FOXC1: variants seen among roughly 807,000 people sequenced by gnomAD.
The protein encoded by FOXC1 is forkhead box C1, also known as forkhead box protein C1.
In FOXC1, 5 loss-of-function variants were observed where a neutral mutation model predicts 8.1. The observed-to-expected ratio is 0.62, with a 90% CI of 0.32 to 1.30. FOXC1 has a LOEUF of 1.30. Among genes scored for constraint, FOXC1 ranks in the 50% most tolerant of loss-of-function variants. The pLI is 0.05. For synonymous variants in FOXC1, 552 were observed against 417.2 expected (o/e 1.32, Z -3.94); for missense variants, 942 against 858.0 (o/e 1.10, Z -1.22).
Position 1,612,748 on chromosome 6 carries a change from A to T in FOXC1, c.*641A>T. 1 of 214,372 alleles carries T rather than the reference A, an allele frequency of 4.7e-6. No individual in the cohort carries two copies. The highest frequency in any genetic ancestry group is 1.0e-5 in the Non-Finnish European group (1 of 97,008). The allele number at this position is 214,372 out of a possible 1,614,324, so 13.3% of individuals were successfully genotyped here. A position where few individuals can be genotyped will look rare whatever the true frequency, so the allele number is the denominator to read the frequency against. ...TAAAAAGGGAAACTGTATTAATCTT[A>T]TTCTATCCTCTTTTCTTTCTTTTTG... On this transcript the variant is annotated 3_prime_UTR_variant, in exon 1 of 1. Coordinates refer to ENST00000645831, the MANE Select transcript of FOXC1 (RefSeq NM_001453.3).
rs545386506 is a variant in FOXC1 at position 1,613,174 on chromosome 6, C to G, written c.*1067C>G. On this transcript the variant is annotated 3_prime_UTR_variant, in exon 1 of 1. Transcript: ENST00000645831. Reference sequence around the variant, plus strand: ...AGCCGCGGTCTTACCACGGTGATGCCTGTGTGCCGAGAGATGGGACTGTGC... The same window carrying G: ...AGCCGCGGTCTTACCACGGTGATGCGTGTGTGCCGAGAGATGGGACTGTGC... The G allele has an allele frequency of 1.7e-5, 4 of 241,788 alleles. No homozygotes were observed. The East Asian group carries it at 2.5e-4, about 15-fold the overall frequency. The allele number at this position is 241,788 out of a possible 1,614,324, so 15.0% of individuals were successfully genotyped here.
Position 1,611,067 on chromosome 6 carries a change from C to G in FOXC1, c.622C>G (p.Gln208Glu). 1.4e-6 allele frequency: 2 copies of G among 1,459,256 alleles called. No homozygotes were observed. The highest frequency in any genetic ancestry group is 1.8e-6 in the Non-Finnish European group (2 of 1,104,098). The allele number at this position is 1,459,256 out of a possible 1,614,324, so 90.4% of individuals were successfully genotyped here. Residue 208 changes from glutamine (Q) to glutamate (E), a missense_variant, in exon 1 of 1, where the codon CAG becomes GAG. Physicochemically the swap from Gln to Glu is conservative, Grantham distance 29. This residue lies in a region of FOXC1 where 726 missense variants were observed against 599.6 expected (regional missense o/e 1.21). Coordinates refer to ENST00000645831, the MANE Select transcript of FOXC1 (RefSeq NM_001453.3). This position sits in a 1 kb window ranked among gnomAD's most constrained non-coding sequence, Gnocchi z 7.1. ...CCAGCCCCCGCCCGCGCCGCCGGAGCAGGCCGACGGCAACGCGCCCGGTCC... is the reference window on the plus strand; with the variant it reads ...CCAGCCCCCGCCCGCGCCGCCGGAGGAGGCCGACGGCAACGCGCCCGGTCC... ...GRQPPPAPPEQADGNAPGPQP... is the reference protein window; with the variant it reads ...GRQPPPAPPEEADGNAPGPQP...
Position 1,611,226 on chromosome 6 carries a change from G to C in FOXC1, c.781G>C (p.Asp261His). 2.7e-6 allele frequency: 4 copies of C among 1,454,762 alleles called. No individual in the cohort carries two copies. Among genetic ancestry groups the C allele is most frequent in the Non-Finnish European group, 3.6e-6 (4 of 1,104,100 alleles). The allele number at this position is 1,454,762 out of a possible 1,614,324, so 90.1% of individuals were successfully genotyped here. A position where few individuals can be genotyped will look rare whatever the true frequency, so the allele number is the denominator to read the frequency against. The change falls in exon 1 of 1, where the codon GAC (aspartate) becomes CAC (histidine). Residue 261 changes from aspartate (D) to histidine (H), a missense_variant. By Grantham distance (81) the Asp-to-His change is moderately conservative. Around this residue, in one of 4 missense-constraint regions of FOXC1, gnomAD observed 726 missense variants for 599.6 expected, o/e 1.21. Coordinates refer to ENST00000645831, the MANE Select transcript of FOXC1 (RefSeq NM_001453.3). The surrounding 1 kb of genome is among the most constrained non-coding windows in gnomAD (Gnocchi z 7.1). Reference protein sequence around the residue: ...AAAVPKIESPDSSSSSLSSGS... With the variant: ...AAAVPKIESPHSSSSSLSSGS... ...CGCGGTGCCCAAGATCGAGAGCCCC[G>C]ACAGCAGCAGCAGCAGCCTGTCCAG...
At position 1,610,719 on chromosome 6, in the gene FOXC1, C is replaced by G; in HGVS notation, c.274C>G (p.Gln92Glu). Reference protein sequence around the residue: ...SYIALITMAIQNAPDKKITLN... With the variant: ...SYIALITMAIENAPDKKITLN... The stretch of plus-strand genomic sequence containing the variant: ...CATCGCGCTCATCACCATGGCCATC[C>G]AGAACGCCCCGGACAAGAAGATCAC... Residue 92 changes from glutamine (Q) to glutamate (E), a missense_variant, in exon 1 of 1, where the codon CAG becomes GAG. Transcript: ENST00000645831. The G allele has an allele frequency of 6.2e-7, 1 of 1,614,010 alleles. No individual in the cohort carries two copies.
Position 1,612,194 on chromosome 6 carries a change from A to G in FOXC1, c.*87A>G. 3.2e-6 allele frequency: 5 copies of G among 1,582,830 alleles called. No homozygotes were observed. Among genetic ancestry groups the G allele is most frequent in the South Asian group, 1.2e-5 (1 of 85,580 alleles). On this transcript the variant is annotated 3_prime_UTR_variant, in exon 1 of 1. Transcript: ENST00000645831. ...AGGCAAAATCGAAACTAAAAAAAAA[A>G]AATCCAATTAAAAAAAACCCCTGAG...
Position 1,611,585 on chromosome 6 carries a change from CGCGGGG to C in FOXC1, c.1143_1148del (p.Gly382_Ala383del), listed in dbSNP as rs1277461977. The C allele has an allele frequency of 8.7e-7, 1 of 1,155,360 alleles. No individual in the cohort carries two copies. The highest frequency in any genetic ancestry group is 1.1e-6 in the Non-Finnish European group (1 of 943,864). The allele number at this position is 1,155,360 out of a possible 1,614,324, so 71.6% of individuals were successfully genotyped here. A position where few individuals can be genotyped will look rare whatever the true frequency, so the allele number is the denominator to read the frequency against. On this transcript the variant is annotated inframe_deletion, in exon 1 of 1. Transcript: ENST00000645831. The surrounding 1 kb of genome is among the most constrained non-coding windows in gnomAD (Gnocchi z 7.1). ...GCAGCTCGGGCGGCGGCGGCGGCGGCGCGGGGGCCGCGGGGGGCGCGGGCGGCGCCG... is the reference window on the plus strand; with the variant it reads ...GCAGCTCGGGCGGCGGCGGCGGCGGCGCCGCGGGGGGCGCGGGCGGCGCCG...
Position 1,610,673 on chromosome 6 carries a change from G to A in FOXC1, c.228G>A (p.Met76Ile). Reference protein sequence around the residue: ...PYTPQPQPKDMVKPPYSYIAL... With the variant: ...PYTPQPQPKDIVKPPYSYIAL... Reference sequence around the variant, plus strand: ...CGCCGCAGCCGCAGCCCAAGGACATGGTGAAGCCGCCCTATAGCTACATCG... The same window carrying A: ...CGCCGCAGCCGCAGCCCAAGGACATAGTGAAGCCGCCCTATAGCTACATCG... The change falls in exon 1 of 1, where the codon ATG becomes ATA. Residue 76 changes from methionine (M) to isoleucine (I), a missense_variant. Physicochemically the swap from Met to Ile is conservative, Grantham distance 10 (BLOSUM62 1). Transcript: ENST00000645831. 6.2e-7 allele frequency: 1 copy of A among 1,613,652 alleles called. No individual in the cohort carries two copies. Among genetic ancestry groups the A allele is most frequent in the Non-Finnish European group, 8.5e-7 (1 of 1,179,978 alleles).
chr6:1,612,065 C>T lies in FOXC1; in HGVS notation c.1620C>T (p.Tyr540=), dbSNP rs1484931703. Residue 540 remains tyrosine (Y), a synonymous_variant, in exon 1 of 1, where the codon TAC becomes TAT. Coordinates refer to ENST00000645831, the MANE Select transcript of FOXC1 (RefSeq NM_001453.3). ...CCTTCCCTTCCAGCCAGTCTCTGTA[C>T]CGCACGTCCGGAGCTTTCGTCTACG... ...QMAFPSSQSL[Y]RTSGAFVYDC... The T allele has an allele frequency of 6.2e-7, 1 of 1,614,064 alleles. No homozygotes were observed. Among genetic ancestry groups the T allele is most frequent in the Non-Finnish European group, 8.5e-7 (1 of 1,180,014 alleles).
rs945696999 is a variant in FOXC1, at chr6:1,611,233, G to T, written c.788G>T (p.Ser263Ile). ...CCCAAGATCGAGAGCCCCGACAGCA[G>T]CAGCAGCAGCCTGTCCAGCGGGAGC... ...AVPKIESPDS[S>I]SSSLSSGSSP... Residue 263 changes from serine (S) to isoleucine (I), a missense_variant, in exon 1 of 1, where the codon AGC (serine) becomes ATC (isoleucine). Ser to Ile is a moderately radical substitution (Grantham distance 142, BLOSUM62 -2). Coordinates refer to ENST00000645831, the MANE Select transcript of FOXC1 (RefSeq NM_001453.3). This position sits in a 1 kb window ranked among gnomAD's most constrained non-coding sequence, Gnocchi z 7.1. 11 of 1,451,250 alleles carry T rather than the reference G, an allele frequency of 7.6e-6. No individual in the cohort carries two copies. The African/African-American group carries it at 1.3e-4, about 18-fold the overall frequency. 89.9% of individuals were successfully genotyped at this position (1,451,250 alleles called of 1,614,324 possible). A position where few individuals can be genotyped will look rare whatever the true frequency, so the allele number is the denominator to read the frequency against.
In FOXC1 at chr6:1,610,394, C is replaced by G. The variant is rs1762513421; in HGVS notation, c.-52C>G. The G allele has an allele frequency of 9.7e-7, 1 of 1,034,130 alleles. No homozygotes were observed. Among genetic ancestry groups the G allele is most frequent in the Non-Finnish European group, 1.2e-6 (1 of 852,442 alleles). The allele number at this position is 1,034,130 out of a possible 1,614,324, so 64.1% of individuals were successfully genotyped here. A position where few individuals can be genotyped will look rare whatever the true frequency, so the allele number is the denominator to read the frequency against. ...GCGGCCGGCGCGGCGCGGCCCGGCC[C>G]GAGCGAGGGTGGGGGGCGGCGGGCG... On this transcript the variant is annotated 5_prime_UTR_variant, in exon 1 of 1. Transcript: ENST00000645831.
rs948663962 is a variant in FOXC1 at position 1,609,948 on chromosome 6, T to C, written c.-498T>C. On this transcript the variant is annotated 5_prime_UTR_variant, in exon 1 of 1. Coordinates refer to ENST00000645831, the MANE Select transcript of FOXC1 (RefSeq NM_001453.3). ...GTTCAGAAGTTTTCCCAATGCTTCC[T>C]TAAGCGGCTGGCGCGCGAGAGACCG... 1 of 151,558 alleles carries C rather than the reference T, an allele frequency of 6.6e-6. No homozygotes were observed. Among genetic ancestry groups the C allele is most frequent in the African/African-American group, 2.4e-5 (1 of 41,186 alleles). 9.4% of individuals were successfully genotyped at this position (151,558 alleles called of 1,614,324 possible).
chr6:1,612,071 G>A lies in FOXC1; in HGVS notation c.1626G>A (p.Thr542=), dbSNP rs145620663. ...AFPSSQSLYR[T]SGAFVYDCSK... Reference sequence around the variant, plus strand: ...CTTCCAGCCAGTCTCTGTACCGCACGTCCGGAGCTTTCGTCTACGACTGTA... The same window carrying A: ...CTTCCAGCCAGTCTCTGTACCGCACATCCGGAGCTTTCGTCTACGACTGTA... Residue 542 remains threonine (T), a synonymous_variant, in exon 1 of 1, where the codon ACG becomes ACA. Coordinates refer to ENST00000645831, the MANE Select transcript of FOXC1 (RefSeq NM_001453.3). 1.9e-6 allele frequency: 3 copies of A among 1,613,986 alleles called. No individual in the cohort carries two copies. The highest frequency in any genetic ancestry group is 2.2e-5 in the East Asian group (1 of 44,886).
Position 1,611,834 on chromosome 6 carries a change from T to A in FOXC1, c.1389T>A (p.Pro463=). The A allele has an allele frequency of 6.5e-7, 1 of 1,528,066 alleles. No homozygotes were observed. The highest frequency in any genetic ancestry group is 8.8e-7 in the Non-Finnish European group (1 of 1,138,824). The allele number at this position is 1,528,066 out of a possible 1,614,324, so 94.7% of individuals were successfully genotyped here. Residue 463 remains proline (P), a synonymous_variant, in exon 1 of 1, where the codon CCT becomes CCA. Transcript: ENST00000645831. The surrounding 1 kb of genome is among the most constrained non-coding windows in gnomAD (Gnocchi z 7.1). ...GGGGQEAGHH[P]AAHQGRLTSW... Reference sequence around the variant, plus strand: ...GAGGCCAGGAGGCCGGCCACCACCCTGCGGCCCACCAAGGCCGCCTCACCT... The same window carrying A: ...GAGGCCAGGAGGCCGGCCACCACCCAGCGGCCCACCAAGGCCGCCTCACCT...
rs148739656 is a variant in FOXC1, at chr6:1,610,947, C to T, written c.502C>T (p.Leu168=). The T allele has an allele frequency of 6.4e-4, 1,035 of 1,613,550 alleles. 6 individuals are homozygous for T. In the African/African-American group the frequency reaches 0.012, roughly 19 times the overall value. Reference sequence around the variant, plus strand: ...CAACATGTTCGAGAACGGCAGCTTCCTGCGGCGGCGGCGGCGCTTCAAGAA... The same window carrying T: ...CAACATGTTCGAGAACGGCAGCTTCTTGCGGCGGCGGCGGCGCTTCAAGAA... ...SYNMFENGSF[L]RRRRRFKKKD... The change falls in exon 1 of 1, where the codon CTG becomes TTG. Residue 168 remains leucine, a synonymous_variant. Transcript: ENST00000645831.
In FOXC1 at chr6:1,610,877, G is replaced by A. The variant is rs1466559632; in HGVS notation, c.432G>A (p.Lys144=). 30 of 1,613,928 alleles carry A rather than the reference G, an allele frequency of 1.9e-5. No homozygotes were observed. Among genetic ancestry groups the A allele is most frequent in the Non-Finnish European group, 2.5e-5 (30 of 1,180,012 alleles). The change falls in exon 1 of 1, where the codon AAG becomes AAA. Residue 144 remains lysine (K), a synonymous_variant. Transcript: ENST00000645831. Reference sequence around the variant, plus strand: ...TCGTCAAGGTGCCGCGCGACGACAAGAAGCCGGGCAAGGGCAGCTACTGGA... The same window carrying A: ...TCGTCAAGGTGCCGCGCGACGACAAAAAGCCGGGCAAGGGCAGCTACTGGA... ...ECFVKVPRDD[K]KPGKGSYWTL...
At position 1,610,509 on chromosome 6, in the gene FOXC1, G is replaced by A. The variant is rs1381453628; in HGVS notation, c.64G>A (p.Glu22Lys). The A allele has an allele frequency of 6.6e-7, 1 of 1,514,542 alleles. No homozygotes were observed. Among genetic ancestry groups the A allele is most frequent in the Non-Finnish European group, 8.8e-7 (1 of 1,132,864 alleles). The allele number at this position is 1,514,542 out of a possible 1,614,324, so 93.8% of individuals were successfully genotyped here. ...SLGVVPYLGG[E>K]QSYYRAAAAA... ...GGGAGTGGTGCCCTACCTCGGCGGC[G>A]AGCAGAGCTACTACCGCGCGGCGGC... is the stretch of plus-strand genomic sequence containing the variant. Residue 22 changes from glutamate to lysine, a missense_variant, in exon 1 of 1, where the codon GAG (glutamate) becomes AAG (lysine). Physicochemically the swap from Glu to Lys is moderately conservative, Grantham distance 56. This residue lies in a region of FOXC1 where 190 missense variants were observed against 176.8 expected (regional missense o/e 1.07). Transcript: ENST00000645831.
chr6:1,612,923 C>T lies in FOXC1; in HGVS notation c.*816C>T. On this transcript the variant is annotated 3_prime_UTR_variant, in exon 1 of 1. Transcript: ENST00000645831. ...AGTTACCTATTCTCCACCTAAATCTCTGAAAAATGGAGAAACCCTCTGACT... is the reference window on the plus strand; with the variant it reads ...AGTTACCTATTCTCCACCTAAATCTTTGAAAAATGGAGAAACCCTCTGACT... 4.5e-6 allele frequency: 1 copy of T among 220,610 alleles called. No homozygotes were observed. The highest frequency in any genetic ancestry group is 9.9e-6 in the Non-Finnish European group (1 of 100,970). 13.7% of individuals were successfully genotyped at this position (220,610 alleles called of 1,614,324 possible). A position where few individuals can be genotyped will look rare whatever the true frequency, so the allele number is the denominator to read the frequency against.
chr6:1,612,179 GA>G lies in FOXC1; in HGVS notation c.*75del. 6.3e-7 allele frequency: 1 copy of G among 1,586,716 alleles called. No homozygotes were observed. Among genetic ancestry groups the G allele is most frequent in the Admixed American group, 1.8e-5 (1 of 54,088 alleles). ...TAAAGGAACCCATCAAGGCAAAATC[GA>G]AACTAAAAAAAAAAAATCCAATTAA... On this transcript the variant is annotated 3_prime_UTR_variant, in exon 1 of 1. Coordinates refer to ENST00000645831, the MANE Select transcript of FOXC1 (RefSeq NM_001453.3).
rs1356049082 is a variant in FOXC1 at position 1,612,110 on chromosome 6, C to A, written c.*3C>A. 4 of 1,613,932 alleles carry A rather than the reference C, an allele frequency of 2.5e-6. No individual in the cohort carries two copies. The highest frequency in any genetic ancestry group is 3.4e-6 in the Non-Finnish European group (4 of 1,180,012). On this transcript the variant is annotated 3_prime_UTR_variant, in exon 1 of 1. Coordinates refer to ENST00000645831, the MANE Select transcript of FOXC1 (RefSeq NM_001453.3). Reference sequence around the variant, plus strand: ...TCTACGACTGTAGCAAGTTTTGACACACCCTCAAAGCCGAACTAAATCGAA... The same window carrying A: ...TCTACGACTGTAGCAAGTTTTGACAAACCCTCAAAGCCGAACTAAATCGAA...
Sources: allele counts gnomAD v4.1 joint callset, GRCh38; gene constraint gnomAD v4.1.1; regional missense constraint gnomAD v4.1.1; non-coding constraint Gnocchi (gnomAD v3.1); transcripts MANE v1.5; gene names NCBI Gene and HGNC (gene_info 2026-07-23, HGNC 2026-07-21).